PRH1: variants seen among roughly 807,000 people sequenced by gnomAD.
PRH1 encodes the protein proline rich protein HaeIII subfamily 1.
In PRH1, 7 loss-of-function variants were observed where a neutral mutation model predicts 7.9. The observed-to-expected ratio is 0.89, with a 90% CI of 0.50 to 1.67. The LOEUF (loss-of-function observed/expected upper bound fraction) is 1.67. PRH1 is among the 40% of genes most tolerant of loss of function. The probability of loss-of-function intolerance (pLI) is 0.00; values close to 1 mark genes in which losing one functional copy is unlikely to be tolerated. For synonymous variants in PRH1, 45 were observed against 80.8 expected (o/e 0.56, Z 2.38); for missense variants, 109 against 223.6 (o/e 0.49, Z 3.27).
At chr12:11,101,213 G>A (rs1278212581) in intron 1 of PRH1, among the ~76,000 whole-genome samples, 1 of 152,168 alleles carries the variant, frequency 6.6e-6, no homozygotes, top group Non-Finnish European at 1.5e-5. Context: ...TTTGGGCCAG[G>A]TGTGGTGGCT....
In PRH1 at chr12:10,990,683, C is replaced by T. The variant is rs576207815; in HGVS notation, c.-125-16962G>A. Among the ~76,000 whole-genome samples, 3 of 152,216 alleles carry T rather than the reference C, an allele frequency of 2.0e-5. No individual in the cohort carries two copies. In the South Asian group the frequency reaches 6.2e-4, roughly 32 times the overall value. The stretch of plus-strand genomic sequence containing the variant: ...GAGTACATCAGGAGAAAATGATGTG[C>T]AGAACTAGAAAGAATAATTAGGAGT... On this transcript the variant is annotated intron_variant, in intron 1 of 3. Coordinates refer to the PRH1 transcript ENST00000539853.
At chr12:11,008,155 G>A (rs1940910436) in intron 1 of PRH1, among the ~76,000 whole-genome samples, 1 of 151,950 alleles carries the variant, frequency 6.6e-6, no homozygotes, top group East Asian at 1.9e-4. Flanking sequence ...GTTGGCAGGT[G>A]ACATGATGTC....
chr12:10,908,319 A>G, intron 2 of PRH1: 3 of 1,428,640 alleles, frequency 2.1e-6, no homozygotes, highest in Non-Finnish European at 2.9e-6. Context: ...AACTCCTTGT[A>G]GACTCCTGTT....
intron 1 of PRH1, among the ~76,000 whole-genome samples, chr12:11,060,460 T>A (rs180692083): frequency 6.6e-6 from 1 of 152,054 alleles, no homozygotes; most frequent in Non-Finnish European, 1.5e-5. Flanking sequence ...AAGGGTATAA[T>A]TAACAATTCA....
downstream of PRH1, among the ~76,000 whole-genome samples, chr12:11,118,779 G>A (rs968549991): frequency 1.3e-5 from 2 of 152,066 alleles, no homozygotes; most frequent in Non-Finnish European, 2.9e-5. Flanking sequence ...TGGATCATGA[G>A]GTCAAGAGAT....
At chr12:10,992,394 TCG>T (rs1939975761) in intron 1 of PRH1, among the ~76,000 whole-genome samples, 1 of 136,054 alleles carries the variant, frequency 7.4e-6, no homozygotes, top group African/African-American at 2.4e-5. Context: ...GGCTTTGTTT[TCG>T]GTTGTTCGTT....
chr12:11,161,113 C>A (rs1015042135), intron 1 of PRH1, among the ~76,000 whole-genome samples: 2 of 152,164 alleles, frequency 1.3e-5, no homozygotes, highest in South Asian at 2.1e-4. Flanking sequence ...ATGCATCCTC[C>A]TCCATGCACC....
At chr12:11,106,295 T>A (rs908550623) in intron 1 of PRH1, among the ~76,000 whole-genome samples, 1 of 152,104 alleles carries the variant, frequency 6.6e-6, no homozygotes, top group Non-Finnish European at 1.5e-5. Context: ...CATACACACA[T>A]ACTCACTCAC....
intron 1 of PRH1, chr12:10,997,362 T>C (rs201047968): frequency 6.8e-6 from 11 of 1,614,114 alleles, no homozygotes; most frequent in East Asian, 6.7e-5. Flanking sequence ...GAAAGGTGCA[T>C]TGCATTCCTC....
chr12:11,146,861 T>C (rs1946876584), intron 1 of PRH1, among the ~76,000 whole-genome samples: 1 of 152,312 alleles, frequency 6.6e-6, no homozygotes, highest in African/African-American at 2.4e-5. Context: ...TAAGACAAAT[T>C]ACATGTGCAC....
intron 1 of PRH1, among the ~76,000 whole-genome samples, chr12:11,093,630 C>G (rs148008704): frequency 0.025 from 2,910 of 115,398 alleles, 849 homozygotes; most frequent in Middle Eastern, 0.044. Flanking sequence ...AATTTTATAA[C>G]AATTCCTGAG....
At chr12:11,031,479 G>C (rs1405058676) in intron 1 of PRH1, 28 of 967,476 alleles carry the variant, frequency 2.9e-5, no homozygotes, top group Non-Finnish European at 3.9e-5. Context: ...AGATGGCATG[G>C]ACCCAAAGAG....
intron 1 of PRH1, among the ~76,000 whole-genome samples, chr12:11,025,143 G>T (rs1456400501): frequency 6.6e-6 from 1 of 151,754 alleles, no homozygotes; most frequent in Non-Finnish European, 1.5e-5. Context: ...TCAGCCTCCG[G>T]AGTAGCTGGG....
chr12:11,039,106 C>A (rs1382206738), intron 1 of PRH1, among the ~76,000 whole-genome samples: 1 of 152,188 alleles, frequency 6.6e-6, no homozygotes, highest in African/African-American at 2.4e-5. Context: ...TAAAAATAGT[C>A]TACAAGCTTA....
At chr12:11,034,813 G>C (rs1942366111) in intron 1 of PRH1, 1 of 152,460 alleles carries the variant, frequency 6.6e-6, no homozygotes. Context: ...TTTGAGCCCA[G>C]GAGTTCCAGA....
chr12:10,940,945 T>A (rs1950389681), intron 2 of PRH1, among the ~76,000 whole-genome samples: 1 of 152,184 alleles, frequency 6.6e-6, no homozygotes, highest in African/African-American at 2.4e-5. Context: ...TTACCGTATA[T>A]TTAGTCAAGA....
chr12:11,116,354 A>G (rs919913992), downstream of PRH1, among the ~76,000 whole-genome samples: 23 of 152,086 alleles, frequency 1.5e-4, no homozygotes, highest in Non-Finnish European at 2.9e-4. Flanking sequence ...CCAAAACCTG[A>G]TAAGACCAAA....
chr12:11,021,873 G>C (rs1437249592), intron 1 of PRH1: 1 of 1,614,118 alleles, frequency 6.2e-7, no homozygotes, highest in African/African-American at 1.3e-5. Context: ...ACATGAGGAA[G>C]GAGGTCACAG....
intron 1 of PRH1, among the ~76,000 whole-genome samples, chr12:11,042,713 G>A (rs1057205639): frequency 5.1e-5 from 7 of 138,026 alleles, no homozygotes; most frequent in South Asian, 2.4e-4. Context: ...CACTGCAAGC[G>A]CCACCTCCCG....
Sources: gnomAD v4.1 joint callset for allele counts (sites outside exome capture counted in the v4.1 genomes callset) on GRCh38, gnomAD v4.1.1 for gene constraint, MANE v1.5 for transcripts, NCBI Gene and HGNC (gene_info 2026-07-23, HGNC 2026-07-21) for gene names.